The following MAGI1 variants were observed in gnomAD, a reference collection of about 807,000 sequenced individuals.
The protein encoded by MAGI1 is membrane-associated guanylate kinase, WW and PDZ domain-containing protein 1.
MAGI1 carries 58 observed loss-of-function variants against 139.9 expected under a neutral mutation model. The ratio of observed to expected loss-of-function variants is 0.41; its 90% CI spans 0.34 to 0.52. The LOEUF (loss-of-function observed/expected upper bound fraction) is 0.52. MAGI1 is among the 20% of genes least tolerant of loss of function. The pLI is 0.12. For synonymous variants in MAGI1, 812 were observed against 737.9 expected (o/e 1.10, Z -1.63); for missense variants, 1,874 against 1,901.6 (o/e 0.99, Z 0.27).
At chr3:65,616,413 G>T (rs1037077864) in intron 2 of MAGI1, among the ~76,000 whole-genome samples, 2 of 152,132 alleles carry the variant, frequency 1.3e-5, no homozygotes, top group Non-Finnish European at 2.9e-5. Flanking sequence ...AAGAGATAGA[G>T]TCGAAGCGTT....
At chr3:65,957,010 T>A (rs1000678121) in intron 1 of MAGI1, among the ~76,000 whole-genome samples, 5 of 151,806 alleles carry the variant, frequency 3.3e-5, no homozygotes, top group South Asian at 2.1e-4. Context: ...TCAAAAAAAA[T>A]TATGTTATTG....
intron 1 of MAGI1, among the ~76,000 whole-genome samples, chr3:65,675,228 G>C (rs1351178036): frequency 6.6e-6 from 1 of 152,138 alleles, no homozygotes; most frequent in African/African-American, 2.4e-5. Flanking sequence ...TGGATGAAAA[G>C]CTCCATATGT....
intron 1 of MAGI1, among the ~76,000 whole-genome samples, chr3:65,702,473 A>G (rs916571240): frequency 2.0e-5 from 3 of 152,052 alleles, no homozygotes; most frequent in Non-Finnish European, 4.4e-5. Context: ...TCAATTTTAC[A>G]ATATATATGC....
intron 5 of MAGI1, among the ~76,000 whole-genome samples, chr3:65,464,408 G>A (rs1415755212): frequency 6.6e-6 from 1 of 151,998 alleles, no homozygotes; most frequent in Non-Finnish European, 1.5e-5. Context: ...TGCCTTGGCT[G>A]TGTCCCACCT....
At position 65,845,502 on chromosome 3, in the gene MAGI1, G is replaced by A. The variant is rs180794487; in HGVS notation, c.313+192494C>T. ...CTCGTTTAGCTTTGGCACAGTGTCT[G>A]GAACAGAGTAGGCACTCAAAAAATG... On this transcript the variant is annotated intron_variant, in intron 1 of 22. Coordinates refer to ENST00000402939, the MANE Select transcript of MAGI1 (RefSeq NM_001033057.2). 3.0e-3 allele frequency among the ~76,000 whole-genome samples: 451 copies of A among 152,258 alleles called. 4 individuals are homozygous for A. Among genetic ancestry groups the A allele is most frequent in the African/African-American group, 1.0e-2 (414 of 41,548 alleles).
chr3:65,380,546 GCTTT>G, intron 16 of MAGI1, among the ~76,000 whole-genome samples: 1 of 151,964 alleles, frequency 6.6e-6, no homozygotes, highest in South Asian at 2.1e-4. Flanking sequence ...CCATCATTCT[GCTTT>G]CTATCTCTAT....
chr3:65,928,160 T>C (rs996195239), intron 1 of MAGI1, among the ~76,000 whole-genome samples: 9 of 152,178 alleles, frequency 5.9e-5, no homozygotes, highest in African/African-American at 1.9e-4. Context: ...ACCCCTGGTG[T>C]GTAGAGCAAT....
At chr3:65,901,756 A>G (rs541810590) in intron 1 of MAGI1, among the ~76,000 whole-genome samples, 21 of 152,274 alleles carry the variant, frequency 1.4e-4, no homozygotes, top group African/African-American at 5.1e-4. Context: ...GACTAATTCT[A>G]CTGTTCTCAT....
At chr3:65,967,452 C>T (rs558948072) in intron 1 of MAGI1, among the ~76,000 whole-genome samples, 12 of 152,250 alleles carry the variant, frequency 7.9e-5, no homozygotes, top group African/African-American at 2.9e-4. Flanking sequence ...CCCACCCCGA[C>T]CTGCCTCCCC....
At chr3:65,594,508 C>A (rs748868579) in intron 2 of MAGI1, among the ~76,000 whole-genome samples, 2 of 152,208 alleles carry the variant, frequency 1.3e-5, no homozygotes, top group African/African-American at 2.4e-5. Flanking sequence ...TACTATCAGA[C>A]ACAGAGATCA....
In MAGI1 at chr3:65,497,503, T is replaced by C. The variant is rs2107685184; in HGVS notation, c.431-3872A>G. ...CTTTGAAACTTGCTGTGAAAGGATC[T>C]GTCCTAAATATGTTCTATATGGCAA... On this transcript the variant is annotated intron_variant, in intron 2 of 22. Coordinates refer to ENST00000402939, the MANE Select transcript of MAGI1 (RefSeq NM_001033057.2). Among the ~76,000 whole-genome samples, 2 of 152,274 alleles carry C rather than the reference T, an allele frequency of 1.3e-5. 1 individual carries two copies. Among genetic ancestry groups the C allele is most frequent in the South Asian group, 4.1e-4 (2 of 4,828 alleles).
chr3:65,477,715 T>TATTA (rs11436319), intron 4 of MAGI1, among the ~76,000 whole-genome samples: 2,708 of 147,890 alleles, frequency 0.018, 88 homozygotes, highest in African/African-American at 0.062. Context: ...ATTATTATTT[T>TATTA]TTTTTTTTTA....
rs563639835 is a variant in MAGI1 at position 65,869,008 on chromosome 3, T to C, written c.313+168988A>G. On this transcript the variant is annotated intron_variant, in intron 1 of 22. Coordinates refer to ENST00000402939, the MANE Select transcript of MAGI1 (RefSeq NM_001033057.2). ...TACTGCCGGGCGCGGTGGCTCACGC[T>C]TGTAATCCCAGCACTTTGGGAGGCC... Among the ~76,000 whole-genome samples, 228 of 151,922 alleles carry C rather than the reference T, an allele frequency of 1.5e-3. 6 individuals are homozygous for C. In the South Asian group the frequency reaches 0.024, roughly 16 times the overall value.
At chr3:65,669,459 AAGC>A (rs1445208591) in intron 1 of MAGI1, among the ~76,000 whole-genome samples, 1 of 152,148 alleles carries the variant, frequency 6.6e-6, no homozygotes, top group African/African-American at 2.4e-5. Context: ...CTCTCATAAT[AAGC>A]AGATGTTATC....
At chr3:65,505,486 T>C (rs920416229) in intron 2 of MAGI1, among the ~76,000 whole-genome samples, 1 of 151,556 alleles carries the variant, frequency 6.6e-6, no homozygotes, top group African/African-American at 2.4e-5. Flanking sequence ...TCTAAAAAAA[T>C]TTTTTTAAAT....
At chr3:65,676,077 C>G (rs2087171719) in intron 1 of MAGI1, among the ~76,000 whole-genome samples, 2 of 152,152 alleles carry the variant, frequency 1.3e-5, no homozygotes, top group African/African-American at 2.4e-5. Context: ...TTTTGACAAG[C>G]TTGTAGTAAA....
At chr3:65,541,028 AGATATAT>A (rs2079187955) in intron 2 of MAGI1, among the ~76,000 whole-genome samples, 2 of 152,230 alleles carry the variant, frequency 1.3e-5, no homozygotes, top group Admixed American at 1.3e-4. Context: ...AAGTTTGAAA[AGATATAT>A]TCTTTCCAAG....
intron 1 of MAGI1, among the ~76,000 whole-genome samples, chr3:65,860,023 G>A (rs918448452): frequency 2.6e-5 from 4 of 151,842 alleles, no homozygotes; most frequent in African/African-American, 9.7e-5. Flanking sequence ...AGCCTCCCGA[G>A]TAGCTGGGAT....
chr3:65,421,792 T>C (rs759245785), intron 12 of MAGI1, among the ~76,000 whole-genome samples: 12 of 152,066 alleles, frequency 7.9e-5, no homozygotes, highest in Non-Finnish European at 1.8e-4. Context: ...AAAGTGGAGA[T>C]TGCCCCCAAG....
Sources: allele counts gnomAD v4.1 joint callset (sites outside exome capture counted in the v4.1 genomes callset), GRCh38; gene constraint gnomAD v4.1.1; transcripts MANE v1.5; gene names NCBI Gene and HGNC (gene_info 2026-07-23, HGNC 2026-07-21).